RAB3GAP2: variants seen among roughly 807,000 people sequenced by gnomAD.
RAB3GAP2 encodes RAB3 GTPase activating non-catalytic protein subunit 2, also known as rab3 GTPase-activating protein non-catalytic subunit.
In RAB3GAP2, 87 loss-of-function variants were observed where a neutral mutation model predicts 185.3. The observed-to-expected ratio is 0.47, with a 90% CI of 0.39 to 0.56. The LOEUF is 0.56. Ranked by LOEUF, RAB3GAP2 falls within the 20% of genes least tolerant of loss-of-function variation. The pLI, the probability that RAB3GAP2 is intolerant of heterozygous loss-of-function variation, is 0.00. For synonymous variants in RAB3GAP2, 554 were observed against 576.1 expected, an observed-to-expected ratio of 0.96 and a Z score of 0.55; for missense variants, 1,492 against 1,638.2, an observed-to-expected ratio of 0.91 and a Z score of 1.54.
chr1:220,211,518 T>C (rs1418902333), intron 4 of RAB3GAP2: 4 of 371,130 alleles, frequency 1.1e-5, no homozygotes, highest in East Asian at 7.2e-5. Context: ...TGGGTTTTCT[T>C]TTCTATTTTG....
chr1:220,222,074 T>C (rs550545249), intron 2 of RAB3GAP2, among the ~76,000 whole-genome samples: 14 of 152,370 alleles, frequency 9.2e-5, no homozygotes, highest in Admixed American at 8.5e-4. Context: ...ACATTCTCTG[T>C]AATTCTCAGC....
intron 2 of RAB3GAP2, among the ~76,000 whole-genome samples, chr1:220,232,013 A>G (rs1399724392): frequency 1.3e-5 from 2 of 152,168 alleles, no homozygotes; most frequent in Admixed American, 1.3e-4. Context: ...TTAAAGTTAG[A>G]TTTTTTTATT....
At chr1:220,258,837 C>G (rs1660083574) in intron 1 of RAB3GAP2, among the ~76,000 whole-genome samples, 1 of 152,134 alleles carries the variant, frequency 6.6e-6, no homozygotes, top group Admixed American at 6.5e-5. Context: ...CTAGAAAACC[C>G]CATCATCTCA....
At chr1:220,174,844 G>A (rs1414393479) in intron 21 of RAB3GAP2, among the ~76,000 whole-genome samples, 1 of 152,124 alleles carries the variant, frequency 6.6e-6, no homozygotes, top group Non-Finnish European at 1.5e-5. Flanking sequence ...ATTACACCAT[G>A]TTCCTTCCAC....
intron 19 of RAB3GAP2, among the ~76,000 whole-genome samples, chr1:220,183,212 T>G (rs1315210068): frequency 6.6e-6 from 1 of 152,060 alleles, no homozygotes; most frequent in Non-Finnish European, 1.5e-5. Flanking sequence ...TTTTAGGATA[T>G]TTCTTGAGGG....
chr1:220,182,190 A>G (rs77659305), intron 21 of RAB3GAP2, 67 bp downstream of exon 21: 2 of 1,594,436 alleles, frequency 1.3e-6, no homozygotes, highest in Admixed American at 3.6e-5. Flanking sequence ...AAAAAAAAAA[A>G]GAAGACTGAC....
chr1:220,153,056 C>A, intron 33 of RAB3GAP2, 129 bp downstream of exon 33: 1 of 743,324 alleles, frequency 1.3e-6, no homozygotes. Context: ...TTCTATTGTT[C>A]TATTTTTATA....
intron 1 of RAB3GAP2, among the ~76,000 whole-genome samples, chr1:220,259,228 A>T (rs997899431): frequency 1.3e-5 from 2 of 152,312 alleles, no homozygotes; most frequent in African/African-American, 4.8e-5. Context: ...AGAAAAAAAA[A>T]TTATTTTAAA....
At chr1:220,216,618 T>C (rs1659206426) in intron 2 of RAB3GAP2, among the ~76,000 whole-genome samples, 1 of 152,190 alleles carries the variant, frequency 6.6e-6, no homozygotes, top group Non-Finnish European at 1.5e-5. Context: ...TATAGGAATA[T>C]TATTTAGGCA....
chr1:220,205,487 C>A (rs1334672581), intron 8 of RAB3GAP2, among the ~76,000 whole-genome samples: 1 of 152,112 alleles, frequency 6.6e-6, no homozygotes, highest in Middle Eastern at 3.2e-3. Flanking sequence ...GTAGAGTCAT[C>A]AGATTTTAGG....
At chr1:220,218,204 ATCTTCCATCATTCT>A (rs1659234418) in intron 2 of RAB3GAP2, among the ~76,000 whole-genome samples, 1 of 152,120 alleles carries the variant, frequency 6.6e-6, no homozygotes, top group Non-Finnish European at 1.5e-5. Flanking sequence ...AAAAGCCAAA[ATCTTCCATCATTCT>A]TTACTGCAGT....
Position 220,172,678 on chromosome 1 carries a change from C to T in RAB3GAP2, c.2375G>A (p.Cys792Tyr). 6.2e-7 allele frequency: 1 copy of T among 1,613,136 alleles called. No homozygotes were observed. The highest frequency in any genetic ancestry group is 8.5e-7 in the Non-Finnish European group (1 of 1,179,116). ...KDILDKPQSI[C>Y]CLHTMLSLLS... ...GAGGGACAGCATGGTATGAAGACAG[C>T]AGATTGACTGTGGTTTATCCAAAAT... Residue 792 changes from cysteine to tyrosine, a missense_variant, in exon 22 of 35, where the codon TGC (cysteine) becomes TAC (tyrosine). Cys to Tyr is a radical substitution (Grantham distance 194). Transcript: ENST00000358951.
At position 220,269,296 on chromosome 1, in the gene RAB3GAP2, A is replaced by G. The variant is rs143246848; in HGVS notation, c.115+2927T>C. On this transcript the variant is annotated intron_variant, in intron 1 of 34. Transcript: ENST00000358951. Reference sequence around the variant, plus strand: ...TTTAACAACAAAAAAGAGCGTCTGAAGCATAAGAAATAAGGGGAGAGGTGT... The same window carrying G: ...TTTAACAACAAAAAAGAGCGTCTGAGGCATAAGAAATAAGGGGAGAGGTGT... 5.0e-3 allele frequency among the ~76,000 whole-genome samples: 759 copies of G among 152,362 alleles called. 3 individuals are homozygous for G. Among genetic ancestry groups the G allele is most frequent in the African/African-American group, 0.017 (716 of 41,590 alleles).
At chr1:220,170,661 G>A (rs1426460640) in intron 24 of RAB3GAP2, among the ~76,000 whole-genome samples, 1 of 152,198 alleles carries the variant, frequency 6.6e-6, no homozygotes, top group Non-Finnish European at 1.5e-5. Context: ...CACTCTTTGA[G>A]AATCACTGCC....
At position 220,151,213 on chromosome 1, in the gene RAB3GAP2, TATAATC is replaced by T; in HGVS notation, c.*32_*37del. ...AAAATAACCATGCACTACTTCATGT[TATAATC>T]ATAATTTTAGACTATTTCCAGTAGG... On this transcript the variant is annotated 3_prime_UTR_variant, in exon 35 of 35. Transcript: ENST00000358951. 1.3e-6 allele frequency: 2 copies of T among 1,594,218 alleles called. No individual in the cohort carries two copies. The highest frequency in any genetic ancestry group is 1.7e-6 in the Non-Finnish European group (2 of 1,163,318).
At chr1:220,243,027 G>A (rs2102897210) in intron 1 of RAB3GAP2, among the ~76,000 whole-genome samples, 1 of 152,176 alleles carries the variant, frequency 6.6e-6, no homozygotes, top group South Asian at 2.1e-4. Flanking sequence ...CCTTCCACAT[G>A]CACCTTCAAC....
intron 1 of RAB3GAP2, among the ~76,000 whole-genome samples, chr1:220,241,831 C>T (rs1397958): frequency 0.46 from 69,631 of 151,724 alleles, 18,052 homozygotes; most frequent in African/African-American, 0.71. Flanking sequence ...TATTATAATT[C>T]TGTTTTTTTA....
chr1:220,210,007 G>C (rs905130135), intron 7 of RAB3GAP2, among the ~76,000 whole-genome samples: 1 of 152,118 alleles, frequency 6.6e-6, no homozygotes, highest in African/African-American at 2.4e-5. Context: ...AGTATCACTA[G>C]TAACAAGGCC....
At chr1:220,162,362 A>G in intron 27 of RAB3GAP2, 94 bp from the exon 28 acceptor site, 1 of 826,558 alleles carries the variant, frequency 1.2e-6, no homozygotes, top group Non-Finnish European at 2.0e-6. Flanking sequence ...TAAACTATAT[A>G]GACTATTTTG....
Sources: gnomAD v4.1 joint callset for allele counts (sites outside exome capture counted in the v4.1 genomes callset) on GRCh38, gnomAD v4.1.1 for gene constraint, MANE v1.5 for transcripts, NCBI Gene and HGNC (gene_info 2026-07-23, HGNC 2026-07-21) for gene names.